The following STXBP6 variants were observed in gnomAD, a reference collection of about 807,000 sequenced individuals.
The protein encoded by STXBP6 is syntaxin-binding protein 6.
Under a neutral mutation model 26.9 loss-of-function variants are expected in STXBP6, and 21 were observed. That is an observed-to-expected ratio of 0.78 (90% CI 0.55 to 1.12). The LOEUF (loss-of-function observed/expected upper bound fraction) is 1.12, where lower values mean the gene tolerates loss of function less well. STXBP6 is among the 50% of genes most tolerant of loss of function. STXBP6 has a pLI of 0.00. For synonymous variants in STXBP6, 97 were observed against 92.6 expected, an observed-to-expected ratio of 1.05 and a Z score of -0.27; for missense variants, 232 against 257.9, an observed-to-expected ratio of 0.90 and a Z score of 0.69.
At chr14:24,931,224 G>A (rs1398375935) in intron 2 of STXBP6, among the ~76,000 whole-genome samples, 6 of 140,748 alleles carry the variant, frequency 4.3e-5, no homozygotes, top group African/African-American at 1.6e-4. Context: ...CATCACACAC[G>A]GGGGCCTGTC....
chr14:24,992,409 A>G (rs1029217460), intron 1 of STXBP6, among the ~76,000 whole-genome samples: 1 of 152,148 alleles, frequency 6.6e-6, no homozygotes, highest in Admixed American at 6.5e-5. Context: ...TGAAGAAAAA[A>G]TAAGTAGGAA....
At chr14:24,812,977 C>T (rs560716763) in intron 5 of STXBP6, among the ~76,000 whole-genome samples, 5 of 144,128 alleles carry the variant, frequency 3.5e-5, no homozygotes, top group Non-Finnish European at 6.4e-5. Flanking sequence ...TGCATCCAGG[C>T]GGGAGGGAGT....
In STXBP6 at chr14:24,862,158, A is replaced by T. The variant is rs112960655; in HGVS notation, c.155-5001T>A. ...GACTACAACACATGTGTGCCACTAC[A>T]CCCAGCTAACTTTTATTTTTTTTGT... On this transcript the variant is annotated intron_variant, in intron 2 of 5. Coordinates refer to ENST00000323944, the MANE Select transcript of STXBP6 (RefSeq NM_001394410.1). Among the ~76,000 whole-genome samples the T allele has an allele frequency of 4.7e-3, 721 of 151,956 alleles. 9 individuals carry two copies. The highest frequency in any genetic ancestry group is 0.016 in the African/African-American group (678 of 41,436).
At chr14:24,860,261 T>C (rs527337079) in intron 2 of STXBP6, among the ~76,000 whole-genome samples, 1 of 152,214 alleles carries the variant, frequency 6.6e-6, no homozygotes, top group Admixed American at 6.5e-5. Flanking sequence ...TTCTATTTAA[T>C]TAAAAACCAA....
chr14:25,031,717 AT>A (rs58317547), intron 1 of STXBP6, among the ~76,000 whole-genome samples: 8,967 of 140,958 alleles, frequency 0.064, 255 homozygotes, highest in East Asian at 0.16. Context: ...CTCCCAAGCA[AT>A]TTTTTTTTTT....
chr14:24,876,118 G>A (rs754508770), intron 2 of STXBP6, among the ~76,000 whole-genome samples: 7 of 152,092 alleles, frequency 4.6e-5, no homozygotes, highest in South Asian at 2.1e-4. Context: ...GAAAAGAGAA[G>A]CAAGGCAGAT....
At chr14:24,875,249 C>T (rs928906413) in intron 2 of STXBP6, among the ~76,000 whole-genome samples, 1 of 152,172 alleles carries the variant, frequency 6.6e-6, no homozygotes, top group Non-Finnish European at 1.5e-5. Flanking sequence ...TAAGAGCGCC[C>T]TCACAATTCT....
intron 2 of STXBP6, among the ~76,000 whole-genome samples, chr14:24,881,405 T>C (rs2070350855): frequency 1.3e-5 from 2 of 152,314 alleles, no homozygotes; most frequent in Middle Eastern, 6.8e-3. Flanking sequence ...ACTCAAGTAT[T>C]TGAGACTCCA....
chr14:24,934,050 GAGA>G (rs1157467440), intron 2 of STXBP6, among the ~76,000 whole-genome samples: 1 of 152,188 alleles, frequency 6.6e-6, no homozygotes, highest in African/African-American at 2.4e-5. Flanking sequence ...AGCAATGAAA[GAGA>G]AGAAGATAGC....
rs1485737948 is a variant in STXBP6, at chr14:25,041,358, G to A, written c.-33+8520C>T. Among the ~76,000 whole-genome samples the A allele has an allele frequency of 3.3e-5, 5 of 152,132 alleles. No individual in the cohort carries two copies. In the East Asian group the frequency reaches 9.7e-4, roughly 29 times the overall value. On this transcript the variant is annotated intron_variant, in intron 1 of 5. Transcript: ENST00000323944. ...AAATAAATAAATAAAAATAAAAAAT[G>A]TATATTGTTATAGTGGATAAGGATT...
chr14:25,007,363 A>C (rs141471715), intron 1 of STXBP6, among the ~76,000 whole-genome samples: 1 of 152,244 alleles, frequency 6.6e-6, no homozygotes, highest in African/African-American at 2.4e-5. Context: ...TCTGACGGTG[A>C]CTGTGATAAT....
intron 2 of STXBP6, among the ~76,000 whole-genome samples, chr14:24,944,146 T>A (rs908839465): frequency 7.2e-5 from 11 of 151,962 alleles, no homozygotes; most frequent in African/African-American, 2.7e-4. Flanking sequence ...AACCAACGAG[T>A]GAAAACAGGT....
intron 2 of STXBP6, among the ~76,000 whole-genome samples, chr14:24,947,924 C>A (rs921472231): frequency 6.6e-6 from 1 of 152,196 alleles, no homozygotes; most frequent in African/African-American, 2.4e-5. Context: ...AGATTGATTT[C>A]TGCCTTCACA....
intron 1 of STXBP6, among the ~76,000 whole-genome samples, chr14:25,045,787 T>C (rs142810895): frequency 5.9e-4 from 90 of 152,096 alleles, no homozygotes; most frequent in Admixed American, 2.0e-3. Context: ...TTTGTATTTT[T>C]AGTAGAGACA....
chr14:25,035,751 G>A (rs1386969669), intron 1 of STXBP6, among the ~76,000 whole-genome samples: 1 of 152,072 alleles, frequency 6.6e-6, no homozygotes, highest in Non-Finnish European at 1.5e-5. Context: ...ATTATAATCT[G>A]TATAGGAAAT....
chr14:24,903,468 T>A (rs565682799), intron 2 of STXBP6, among the ~76,000 whole-genome samples: 1 of 152,330 alleles, frequency 6.6e-6, no homozygotes, highest in Admixed American at 6.5e-5. Context: ...TGTAAGCCAC[T>A]TAAGAACAGT....
At position 25,028,769 on chromosome 14, in the gene STXBP6, C is replaced by A. The variant is rs1468305603; in HGVS notation, c.-33+21109G>T. Among the ~76,000 whole-genome samples, 4 of 152,204 alleles carry A rather than the reference C, an allele frequency of 2.6e-5. No homozygotes were observed. In the South Asian group the frequency reaches 6.2e-4, roughly 24 times the overall value. On this transcript the variant is annotated intron_variant, in intron 1 of 5. Transcript: ENST00000323944. ...CTTCAAAATTTTCTAAAAGGAGTCA[C>A]CATTCTAGATGCCTTTACAAATATT...
chr14:25,017,464 G>A (rs997875378), intron 1 of STXBP6, among the ~76,000 whole-genome samples: 1 of 152,204 alleles, frequency 6.6e-6, no homozygotes, highest in African/African-American at 2.4e-5. Context: ...CAGAGGCAGA[G>A]GAAGTATAAG....
chr14:24,899,963 C>T (rs2071154231), intron 2 of STXBP6, among the ~76,000 whole-genome samples: 1 of 152,100 alleles, frequency 6.6e-6, no homozygotes, highest in Non-Finnish European at 1.5e-5. Flanking sequence ...GTACCAACTC[C>T]CATAAAGAGA....
Sources: allele counts gnomAD v4.1 joint callset (sites outside exome capture counted in the v4.1 genomes callset), GRCh38; gene constraint gnomAD v4.1.1; transcripts MANE v1.5; gene names NCBI Gene and HGNC (gene_info 2026-07-23, HGNC 2026-07-21).